Variants in EPHA3 observed in about 807,000 individuals in gnomAD.
EPHA3 encodes the protein EPH receptor A3.
Under a neutral mutation model 107.1 loss-of-function variants are expected in EPHA3, and 42 were observed. The ratio of observed to expected loss-of-function variants is 0.39; its 90% CI spans 0.31 to 0.51. EPHA3 has a LOEUF of 0.51. EPHA3 is among the 20% of genes least tolerant of loss of function. EPHA3 has a pLI of 0.78. For synonymous variants in EPHA3, 461 were observed against 424.8 expected (o/e 1.09, Z -1.05); for missense variants, 1,183 against 1,211.2 (o/e 0.98, Z 0.35).
intron 2 of EPHA3, among the ~76,000 whole-genome samples, chr3:89,146,331 G>T (rs62274618): frequency 1.5e-3 from 230 of 151,948 alleles, no homozygotes; most frequent in Non-Finnish European, 2.5e-3. Flanking sequence ...AAGTGCATGA[G>T]TAATGATGCT....
intron 12 of EPHA3, among the ~76,000 whole-genome samples, chr3:89,430,319 G>A (rs1709542092): frequency 6.6e-6 from 1 of 151,914 alleles, no homozygotes; most frequent in Admixed American, 6.6e-5. Flanking sequence ...AATCATGGAG[G>A]AAAATTTTAA....
Position 89,107,636 on chromosome 3 carries a change from A to C in EPHA3, c.-113A>C, listed in dbSNP as rs528704262. ...CCTTATCTCCAGTGTCAAACTTGAC[A>C]TCAGCCTGCGAGCGGAGCATGGTAA... On this transcript the variant is annotated 5_prime_UTR_variant, in exon 1 of 17. Transcript: ENST00000336596. 9.9e-7 allele frequency: 1 copy of C among 1,006,272 alleles called. No homozygotes were observed. Among genetic ancestry groups the C allele is most frequent in the Non-Finnish European group, 1.5e-6 (1 of 656,958 alleles). The allele number at this position is 1,006,272 out of a possible 1,614,324, so 62.3% of individuals were successfully genotyped here.
intron 1 of EPHA3, 80 bp downstream of exon 1, chr3:89,107,916 C>A: frequency 1.4e-6 from 2 of 1,416,868 alleles, no homozygotes; most frequent in Non-Finnish European, 9.9e-7. Context: ...CGAAGCCTTG[C>A]ACGTCGGGAA....
chr3:89,159,221 T>A (rs1173990943), intron 2 of EPHA3, among the ~76,000 whole-genome samples: 1 of 152,144 alleles, frequency 6.6e-6, no homozygotes, highest in Admixed American at 6.6e-5. Context: ...CCCTGATTAT[T>A]TTACACAAAA....
chr3:89,271,134 T>C lies in EPHA3; in HGVS notation c.814+60614T>C, dbSNP rs147505683. On this transcript the variant is annotated intron_variant, in intron 3 of 16. Transcript: ENST00000336596. ...TATTGTTATATGTTCTGCTTCAGCA[T>C]TGAGACAAAACATCTGTGTATTCTT... Among the ~76,000 whole-genome samples the C allele has an allele frequency of 5.8e-4, 89 of 152,182 alleles. 1 individual carries two copies. In the East Asian group the frequency reaches 0.016, roughly 28 times the overall value.
At chr3:89,244,803 G>A (rs1352723507) in intron 3 of EPHA3, among the ~76,000 whole-genome samples, 4 of 152,144 alleles carry the variant, frequency 2.6e-5, no homozygotes, top group Non-Finnish European at 4.4e-5. Context: ...CCAATTGCAG[G>A]TCTGGGCTTT....
At chr3:89,369,885 A>G (rs1349263935) in intron 5 of EPHA3, among the ~76,000 whole-genome samples, 1 of 150,722 alleles carries the variant, frequency 6.6e-6, no homozygotes. Flanking sequence ...ACATTTATGC[A>G]GCCAAAAAAC....
At chr3:89,355,986 C>T (rs1707942151) in intron 5 of EPHA3, among the ~76,000 whole-genome samples, 1 of 102,986 alleles carries the variant, frequency 9.7e-6, no homozygotes, top group African/African-American at 3.6e-5. Flanking sequence ...CTTCCCCCTC[C>T]CCCCACCCCA....
At chr3:89,186,546 T>G (rs755815614) in intron 2 of EPHA3, among the ~76,000 whole-genome samples, 3 of 152,128 alleles carry the variant, frequency 2.0e-5, no homozygotes, top group Non-Finnish European at 4.4e-5. Flanking sequence ...GAGAAGTATT[T>G]TCTGATGTTT....
At chr3:89,170,141 C>T (rs1705178620) in intron 2 of EPHA3, among the ~76,000 whole-genome samples, 1 of 151,784 alleles carries the variant, frequency 6.6e-6, no homozygotes, top group Admixed American at 6.6e-5. Flanking sequence ...GTCCCAGCTG[C>T]TCTGCTCGGG....
At chr3:89,373,423 C>T (rs542175154) in intron 5 of EPHA3, among the ~76,000 whole-genome samples, 1 of 151,918 alleles carries the variant, frequency 6.6e-6, no homozygotes, top group Admixed American at 6.6e-5. Context: ...CATCATTTTC[C>T]AACATCCATC....
At chr3:89,214,764 C>T (rs1704186468) in intron 3 of EPHA3, among the ~76,000 whole-genome samples, 1 of 151,742 alleles carries the variant, frequency 6.6e-6, no homozygotes, top group Non-Finnish European at 1.5e-5. Context: ...TATGAATCTT[C>T]CCACTGATTT....
chr3:89,271,591 A>G (rs981372658), intron 3 of EPHA3, among the ~76,000 whole-genome samples: 1 of 151,936 alleles, frequency 6.6e-6, no homozygotes, highest in African/African-American at 2.4e-5. Context: ...AACAAAACGT[A>G]TACTGTTTTT....
intron 11 of EPHA3, among the ~76,000 whole-genome samples, chr3:89,426,273 C>T (rs900480320): frequency 4.6e-5 from 7 of 151,838 alleles, no homozygotes; most frequent in African/African-American, 1.7e-4. Flanking sequence ...AATTTCCCAC[C>T]ACATTTAATG....
Position 89,247,159 on chromosome 3 carries a change from A to T in EPHA3, c.814+36639A>T, listed in dbSNP as rs1705052044. 2.0e-5 allele frequency among the ~76,000 whole-genome samples: 3 copies of T among 152,194 alleles called. No individual in the cohort carries two copies. The South Asian group carries it at 6.2e-4, about 31-fold the overall frequency. On this transcript the variant is annotated intron_variant, in intron 3 of 16. Coordinates refer to ENST00000336596, the MANE Select transcript of EPHA3 (RefSeq NM_005233.6). ...AAAGTCCTAGTTTGGGAGATAAAGA[A>T]TAGGGAGAAGACAAATAAAGTAAAT... is the stretch of plus-strand genomic sequence containing the variant.
chr3:89,350,355 A>C (rs1348675744), intron 5 of EPHA3, among the ~76,000 whole-genome samples: 1 of 150,732 alleles, frequency 6.6e-6, no homozygotes, highest in Non-Finnish European at 1.5e-5. Flanking sequence ...TTCTCACTTC[A>C]TTTCATTCAT....
At chr3:89,198,517 A>G (rs1184530490) in intron 2 of EPHA3, among the ~76,000 whole-genome samples, 1 of 152,180 alleles carries the variant, frequency 6.6e-6, no homozygotes, top group Non-Finnish European at 1.5e-5. Flanking sequence ...AAGATTAAAC[A>G]TGTTTCTATG....
intron 2 of EPHA3, among the ~76,000 whole-genome samples, chr3:89,208,477 A>AGAAAGAAG (rs761847794): frequency 0.017 from 2,261 of 133,206 alleles, 83 homozygotes; most frequent in African/African-American, 0.025. Flanking sequence ...AAAGAAAGAA[A>AGAAAGAAG]GAAAGAGAAA....
intron 3 of EPHA3, among the ~76,000 whole-genome samples, chr3:89,334,295 T>C (rs1360944648): frequency 6.6e-6 from 1 of 152,222 alleles, no homozygotes; most frequent in Non-Finnish European, 1.5e-5. Flanking sequence ...TCATTTCTTT[T>C]TCAAGTATAT....
Sources: allele counts gnomAD v4.1 joint callset (sites outside exome capture counted in the v4.1 genomes callset), GRCh38; gene constraint gnomAD v4.1.1; transcripts MANE v1.5; gene names NCBI Gene and HGNC (gene_info 2026-07-23, HGNC 2026-07-21).